The following LRP1B variants were observed in gnomAD, a reference collection of about 807,000 sequenced individuals.
The protein encoded by LRP1B is LDL receptor related protein 1B.
A neutral mutation model predicts 556.6 loss-of-function variants in LRP1B; 217 were observed. That is an observed-to-expected ratio of 0.39 (90% CI 0.35 to 0.44). LRP1B has a LOEUF of 0.44. Among genes scored for constraint, LRP1B ranks in the 20% least tolerant of loss-of-function variants. The pLI, the probability that LRP1B is intolerant of heterozygous loss-of-function variation, is 1.00. For synonymous variants in LRP1B, 2,047 were observed against 1,865.8 expected (o/e 1.10, Z -2.50); for missense variants, 5,053 against 5,620.8 (o/e 0.90, Z 3.23).
intron 2 of LRP1B, among the ~76,000 whole-genome samples, chr2:141,668,571 G>A (rs1690538367): frequency 6.6e-6 from 1 of 152,124 alleles, no homozygotes; most frequent in African/African-American, 2.4e-5. Context: ...CTGTGGGATG[G>A]CCAAACTCCA....
intron 43 of LRP1B, among the ~76,000 whole-genome samples, chr2:140,567,842 T>C (rs887494759): frequency 6.6e-6 from 1 of 152,180 alleles, no homozygotes; most frequent in African/African-American, 2.4e-5. Flanking sequence ...GTCAAAATTA[T>C]TGAGACACTC....
intron 7 of LRP1B, among the ~76,000 whole-genome samples, chr2:141,118,241 GAA>G (rs1281154493): frequency 6.6e-6 from 1 of 151,672 alleles, no homozygotes; most frequent in African/African-American, 2.4e-5. Context: ...ATAGATAAAG[GAA>G]AAAAACAGCA....
At chr2:142,102,138 T>C (rs60539562) in intron 1 of LRP1B, among the ~76,000 whole-genome samples, 4,798 of 152,062 alleles carry the variant, frequency 0.032, 239 homozygotes, top group African/African-American at 0.11. Flanking sequence ...CTCTCTGCAG[T>C]GCTTTAACAC....
In LRP1B at chr2:140,959,057, A is replaced by ATT. The variant is rs35278200; in HGVS notation, c.2888-7119_2888-7118dup. On this transcript the variant is annotated intron_variant, in intron 18 of 90. Coordinates refer to ENST00000389484, the MANE Select transcript of LRP1B (RefSeq NM_018557.3). ...TACAAACTTGAAGTGTGCTGCTCAG[A>ATT]TTTTTTTTTTTTTTTGTAAGTCTAT... Among the ~76,000 whole-genome samples, 166 of 143,400 alleles carry ATT rather than the reference A, an allele frequency of 1.2e-3. 2 individuals are homozygous for ATT. In the East Asian group the frequency reaches 0.016, roughly 14 times the overall value. The allele number at this position is 143,400 out of a possible 152,430, so 94.1% of individuals were successfully genotyped here.
intron 3 of LRP1B, among the ~76,000 whole-genome samples, chr2:141,257,206 G>C (rs1370721190): frequency 1.3e-5 from 2 of 152,012 alleles, no homozygotes; most frequent in Non-Finnish European, 2.9e-5. Context: ...TGAAGACAAA[G>C]GTGAATGTAA....
At chr2:140,669,684 G>A (rs1429004180) in intron 41 of LRP1B, among the ~76,000 whole-genome samples, 1 of 151,850 alleles carries the variant, frequency 6.6e-6, no homozygotes, top group Non-Finnish European at 1.5e-5. Flanking sequence ...TTTTTTCCCA[G>A]TCTACCATGG....
intron 3 of LRP1B, among the ~76,000 whole-genome samples, chr2:141,271,303 T>A: frequency 6.8e-6 from 1 of 147,274 alleles, no homozygotes. Flanking sequence ...AGCAAAATAA[T>A]AAGAAGAAAA....
intron 11 of LRP1B, among the ~76,000 whole-genome samples, chr2:141,032,309 T>C (rs1336211219): frequency 1.3e-5 from 2 of 152,146 alleles, no homozygotes; most frequent in Non-Finnish European, 1.5e-5. Flanking sequence ...AATTTATGAT[T>C]ACAAATAATG....
rs1250409583 is a variant in LRP1B at position 141,625,499 on chromosome 2, G to A, written c.206-144966C>T. ...TGTTTCTAAACAATCTTCCTTTGGT[G>A]CTTCTATTTTGCCCACTTATTTTAA... is the stretch of plus-strand genomic sequence containing the variant. On this transcript the variant is annotated intron_variant, in intron 2 of 90. Transcript: ENST00000389484. 4.0e-4 allele frequency among the ~76,000 whole-genome samples: 61 copies of A among 152,040 alleles called. 1 individual carries two copies. Among genetic ancestry groups the A allele is most frequent in the Non-Finnish European group, 4.4e-5 (3 of 67,974 alleles).
chr2:140,423,398 G>T (rs1015824415), intron 66 of LRP1B, among the ~76,000 whole-genome samples: 1 of 152,022 alleles, frequency 6.6e-6, no homozygotes, highest in Non-Finnish European at 1.5e-5. Flanking sequence ...TCAATACATT[G>T]AAGCAAATCA....
At chr2:140,282,282 C>G (rs1682946941) in intron 84 of LRP1B, among the ~76,000 whole-genome samples, 3 of 151,722 alleles carry the variant, frequency 2.0e-5, no homozygotes, top group Admixed American at 6.6e-5. Context: ...TTCAGTGTCT[C>G]CTACATGCCA....
chr2:141,154,052 C>T (rs1482328366), intron 7 of LRP1B, among the ~76,000 whole-genome samples: 1 of 151,718 alleles, frequency 6.6e-6, no homozygotes, highest in Non-Finnish European at 1.5e-5. Context: ...GGAGAGAGGT[C>T]TGCTATGTTA....
At chr2:141,996,086 T>C (rs1259709574) in intron 1 of LRP1B, among the ~76,000 whole-genome samples, 1 of 151,998 alleles carries the variant, frequency 6.6e-6, no homozygotes, top group Non-Finnish European at 1.5e-5. Flanking sequence ...AGTCTGTCTC[T>C]ACTCAAAATA....
chr2:141,026,386 CT>C (rs1294698758), intron 11 of LRP1B, among the ~76,000 whole-genome samples: 3 of 151,936 alleles, frequency 2.0e-5, no homozygotes, highest in Admixed American at 6.6e-5. Flanking sequence ...GTTTACTGAA[CT>C]TTAAAAAAGA....
At chr2:141,030,022 G>C (rs1263351168) in intron 11 of LRP1B, among the ~76,000 whole-genome samples, 1 of 152,000 alleles carries the variant, frequency 6.6e-6, no homozygotes, top group Admixed American at 6.6e-5. Flanking sequence ...ATGAGGTTGG[G>C]GTTCTACCTT....
At chr2:141,022,725 T>A (rs896736577) in intron 11 of LRP1B, among the ~76,000 whole-genome samples, 4 of 151,756 alleles carry the variant, frequency 2.6e-5, no homozygotes, top group Non-Finnish European at 5.9e-5. Context: ...CTACAGAGAG[T>A]CTAATTATTA....
intron 41 of LRP1B, among the ~76,000 whole-genome samples, chr2:140,652,188 C>T (rs568863331): frequency 3.4e-4 from 52 of 151,246 alleles, no homozygotes; most frequent in African/African-American, 1.3e-3. Flanking sequence ...AAATTAAAAT[C>T]TATAATTGAT....
At chr2:140,729,571 G>A (rs114838047) in intron 35 of LRP1B, among the ~76,000 whole-genome samples, 2,178 of 152,086 alleles carry the variant, frequency 0.014, 24 homozygotes, top group Non-Finnish European at 0.02. Flanking sequence ...ACAAATTCCC[G>A]CTTTAAAAAA....
chr2:140,407,226 A>G (rs772398584), intron 66 of LRP1B, among the ~76,000 whole-genome samples: 6 of 152,088 alleles, frequency 3.9e-5, no homozygotes, highest in Non-Finnish European at 8.8e-5. Flanking sequence ...AAAACATAAA[A>G]CCATAAAAAT....
Sources: gnomAD v4.1 joint callset for allele counts (sites outside exome capture counted in the v4.1 genomes callset) on GRCh38, gnomAD v4.1.1 for gene constraint, MANE v1.5 for transcripts, NCBI Gene and HGNC (gene_info 2026-07-23, HGNC 2026-07-21) for gene names.